The following POLN variants were observed in gnomAD, a reference collection of about 807,000 sequenced individuals.
POLN encodes the protein DNA polymerase nu, also known as DNA polymerase N.
A neutral mutation model predicts 113.5 loss-of-function variants in POLN; 108 were observed. That is an observed-to-expected ratio of 0.95 (90% CI 0.81 to 1.12). POLN has a LOEUF of 1.12. Ranked by LOEUF, POLN falls within the 50% of genes most tolerant of loss-of-function variation. The probability of loss-of-function intolerance (pLI) is 0.00; values close to 1 mark genes in which losing one functional copy is unlikely to be tolerated. For missense variants in POLN, 1,097 were observed against 1,077.1 expected, an observed-to-expected ratio of 1.02 and a Z score of -0.26; for synonymous variants, 386 against 391.5, an observed-to-expected ratio of 0.99 and a Z score of 0.17.
chr4:2,173,844 C>T, intron 11 of POLN, 111 bp downstream of exon 11: 1 of 1,073,002 alleles, frequency 9.3e-7, no homozygotes, highest in South Asian at 1.3e-5. Flanking sequence ...ACTGTCAACA[C>T]CAAACAAGGA....
intron 14 of POLN, among the ~76,000 whole-genome samples, chr4:2,158,878 G>A (rs566313876): frequency 2.0e-5 from 3 of 152,146 alleles, no homozygotes; most frequent in Non-Finnish European, 4.4e-5. Context: ...GCACACCGAC[G>A]ACACACAGCC....
chr4:2,204,110 A>AG (rs1733785175), intron 5 of POLN, among the ~76,000 whole-genome samples: 1 of 52,682 alleles, frequency 1.9e-5, no homozygotes, highest in Non-Finnish European at 3.3e-5. Flanking sequence ...ACTCTATCAC[A>AG]AAAAAAAAAA....
intron 16 of POLN, among the ~76,000 whole-genome samples, chr4:2,146,081 ATATT>A (rs946934190): frequency 6.6e-6 from 1 of 151,996 alleles, no homozygotes; most frequent in African/African-American, 2.4e-5. Context: ...GGAAATATAT[ATATT>A]TAAGAAAATA....
At chr4:2,077,480 CA>C (rs771626906) in intron 23 of POLN, among the ~76,000 whole-genome samples, 8 of 152,190 alleles carry the variant, frequency 5.3e-5, no homozygotes, top group Non-Finnish European at 1.0e-4. Flanking sequence ...GCTTCATGTG[CA>C]GCCTCTGGCC....
At chr4:2,129,388 A>C in intron 17 of POLN, 132 bp from the exon 18 acceptor site, 1 of 594,688 alleles carries the variant, frequency 1.7e-6, no homozygotes, top group South Asian at 2.1e-5. Flanking sequence ...GAATATTTTT[A>C]TTAATTTAAT....
At chr4:2,125,007 T>C (rs1047660914) in intron 19 of POLN, among the ~76,000 whole-genome samples, 1 of 152,180 alleles carries the variant, frequency 6.6e-6, no homozygotes. Flanking sequence ...TTCAACCAGG[T>C]TGAAGATAGG....
chr4:2,139,346 C>G (rs1414762868), intron 16 of POLN, among the ~76,000 whole-genome samples: 1 of 152,256 alleles, frequency 6.6e-6, no homozygotes. Context: ...GGAGGCCAGG[C>G]TCCTCCACCT....
At chr4:2,120,919 T>C (rs1178888235) in intron 19 of POLN, among the ~76,000 whole-genome samples, 1 of 152,246 alleles carries the variant, frequency 6.6e-6, no homozygotes, top group Non-Finnish European at 1.5e-5. Flanking sequence ...TTGGTGAACT[T>C]ACTTATTAGT....
intron 19 of POLN, among the ~76,000 whole-genome samples, chr4:2,110,574 C>G (rs2108711268): frequency 6.6e-6 from 1 of 152,272 alleles, no homozygotes; most frequent in East Asian, 1.9e-4. Flanking sequence ...ACCGATCCCA[C>G]AGAAATACAA....
rs778496166 is a variant in POLN at position 2,095,890 on chromosome 4, GCTCT to G, written c.2022_2025del (p.Arg674SerfsTer90). On this transcript the variant is annotated frameshift_variant, in exon 20 of 26. Coordinates refer to ENST00000511885, the MANE Select transcript of POLN (RefSeq NM_181808.4). LOFTEE classifies it high-confidence loss of function. ...ACCGCGTACACCACCTTCTTGGTTT[GCTCT>G]CTGTCTGCGTGTGTCACCTGTTCCA... is the stretch of plus-strand genomic sequence containing the variant. 2.5e-5 allele frequency: 40 copies of G among 1,613,980 alleles called. No individual in the cohort carries two copies. The highest frequency in any genetic ancestry group is 1.0e-4 in the Admixed American group (6 of 59,996).
rs759616219 is a variant in POLN, at chr4:2,179,287, ACTTTAT to A, written c.1179+15_1179+20del. 2 of 1,598,790 alleles carry A rather than the reference ACTTTAT, an allele frequency of 1.3e-6. No homozygotes were observed. Among genetic ancestry groups the A allele is most frequent in the Non-Finnish European group, 1.7e-6 (2 of 1,171,526 alleles). On this transcript the variant is annotated intron_variant, in intron 8 of 25. Coordinates refer to ENST00000511885, the MANE Select transcript of POLN (RefSeq NM_181808.4). ...AATAGGATGTATTAAGGTTGATAAAACTTTATCTTAAACAACTCACCACAATATTTC... is the reference window on the plus strand; with the variant it reads ...AATAGGATGTATTAAGGTTGATAAAACTTAAACAACTCACCACAATATTTC...
At chr4:2,156,397 C>G (rs1188177065) in intron 16 of POLN, 1 of 426,264 alleles carries the variant, frequency 2.3e-6, no homozygotes, top group Admixed American at 2.8e-5. Flanking sequence ...TTTTCTTCAT[C>G]AGAGATACAG....
intron 5 of POLN, among the ~76,000 whole-genome samples, chr4:2,201,286 A>AAAAC (rs1733705851): frequency 6.8e-6 from 1 of 147,686 alleles, no homozygotes; most frequent in South Asian, 2.1e-4. Context: ...CCAAAAAAAA[A>AAAAC]AAAAAAAAAA....
At chr4:2,106,802 T>C (rs1407938174) in intron 19 of POLN, among the ~76,000 whole-genome samples, 1 of 152,196 alleles carries the variant, frequency 6.6e-6, no homozygotes, top group Non-Finnish European at 1.5e-5. Context: ...ACTTTAACAT[T>C]AATATATTTT....
At chr4:2,140,634 G>C (rs919537182) in intron 16 of POLN, among the ~76,000 whole-genome samples, 3 of 152,006 alleles carry the variant, frequency 2.0e-5, no homozygotes, top group African/African-American at 7.3e-5. Context: ...TGTAATCCCA[G>C]CTACTCAGGA....
intron 8 of POLN, 24 bp from the exon 9 acceptor site, chr4:2,176,358 T>G (rs1308493006): frequency 1.9e-6 from 3 of 1,554,036 alleles, no homozygotes; most frequent in Non-Finnish European, 2.6e-6. Flanking sequence ...AAAGTATTTT[T>G]AAAAATCAGA....
intron 13 of POLN, among the ~76,000 whole-genome samples, chr4:2,162,519 C>T (rs1456922885): frequency 6.6e-6 from 1 of 152,188 alleles, no homozygotes; most frequent in Non-Finnish European, 1.5e-5. Flanking sequence ...GGACACAGCA[C>T]CATCTTGGCT....
At chr4:2,115,013 C>A (rs530951287) in intron 19 of POLN, among the ~76,000 whole-genome samples, 1 of 151,304 alleles carries the variant, frequency 6.6e-6, no homozygotes, top group East Asian at 1.9e-4. Flanking sequence ...ATGGTGAAAT[C>A]TTATCTCCTG....
chr4:2,193,501 G>C (rs1733504067), intron 6 of POLN, among the ~76,000 whole-genome samples, 185 bp from the exon 7 acceptor site: 1 of 152,298 alleles, frequency 6.6e-6, no homozygotes, highest in Non-Finnish European at 1.5e-5. Context: ...GTGAGACACA[G>C]AGAGACGAGA....
Sources: allele counts gnomAD v4.1 joint callset (sites outside exome capture counted in the v4.1 genomes callset), GRCh38; gene constraint gnomAD v4.1.1; transcripts MANE v1.5; gene names NCBI Gene and HGNC (gene_info 2026-07-23, HGNC 2026-07-21).